The following MOSMO variants were observed in gnomAD, a reference collection of about 807,000 sequenced individuals.
MOSMO encodes the protein modulator of smoothened, also known as modulator of smoothened protein.
MOSMO carries 5 observed loss-of-function variants against 18.4 expected under a neutral mutation model. The ratio of observed to expected loss-of-function variants is 0.27; its 90% CI spans 0.14 to 0.57. The LOEUF (loss-of-function observed/expected upper bound fraction) is 0.57. Among genes scored for constraint, MOSMO ranks in the 20% least tolerant of loss-of-function variants. MOSMO has a pLI of 0.92. For missense variants in MOSMO, 138 were observed against 211.8 expected (o/e 0.65, Z 2.16); for synonymous variants, 82 against 82.3 (o/e 1.00, Z 0.02).
At chr16:22,063,278 T>C (rs996662716) in intron 1 of MOSMO, among the ~76,000 whole-genome samples, 3 of 152,234 alleles carry the variant, frequency 2.0e-5, no homozygotes, top group African/African-American at 7.2e-5. Context: ...AGAGAATTAC[T>C]GTACTCATGT....
At chr16:22,036,306 TGTGG>T (rs1900108442) in intron 1 of MOSMO, among the ~76,000 whole-genome samples, 1 of 152,024 alleles carries the variant, frequency 6.6e-6, no homozygotes. Context: ...TTTGTATTTT[TGTGG>T]AGACAGGGTC....
intron 1 of MOSMO, among the ~76,000 whole-genome samples, chr16:22,044,725 G>A (rs1900274747): frequency 6.6e-6 from 1 of 152,090 alleles, no homozygotes; most frequent in South Asian, 2.1e-4. Context: ...CTTGCCCAAG[G>A]TTACAGAGCT....
At chr16:22,068,287 G>A (rs183900465) in intron 1 of MOSMO, among the ~76,000 whole-genome samples, 137 of 152,240 alleles carry the variant, frequency 9.0e-4, no homozygotes, top group African/African-American at 2.8e-3. Context: ...TAAAGTTTCC[G>A]TATGCTACTG....
chr16:22,044,199 A>T (rs1193862791), intron 1 of MOSMO, among the ~76,000 whole-genome samples: 1 of 152,138 alleles, frequency 6.6e-6, no homozygotes, highest in East Asian at 1.9e-4. Context: ...GAGCCAAACC[A>T]CACCATATAT....
chr16:22,090,709 G>A (rs1246969403), downstream of MOSMO, among the ~76,000 whole-genome samples: 1 of 152,180 alleles, frequency 6.6e-6, no homozygotes, highest in Non-Finnish European at 1.5e-5. Flanking sequence ...CCATTTCCAA[G>A]AGCCTAAGGT....
At chr16:22,038,440 A>G (rs1362363444) in intron 1 of MOSMO, among the ~76,000 whole-genome samples, 1 of 152,228 alleles carries the variant, frequency 6.6e-6, no homozygotes, top group East Asian at 1.9e-4. Flanking sequence ...TGATAGATCA[A>G]GGACCCTAAT....
intron 1 of MOSMO, among the ~76,000 whole-genome samples, chr16:22,045,021 CAA>C (rs747580729): frequency 7.5e-6 from 1 of 132,770 alleles, no homozygotes; most frequent in Non-Finnish European, 1.6e-5. Flanking sequence ...ACAAAAAATA[CAA>C]AAAAAAAAAA....
chr16:22,018,141 A>G (rs1899678515), intron 1 of MOSMO, among the ~76,000 whole-genome samples: 1 of 152,128 alleles, frequency 6.6e-6, no homozygotes, highest in Non-Finnish European at 1.5e-5. Context: ...TTGCCGTTGT[A>G]TATATTGAGC....
chr16:22,014,737 T>C (rs1597994238), intron 1 of MOSMO, among the ~76,000 whole-genome samples: 1 of 152,348 alleles, frequency 6.6e-6, no homozygotes, highest in East Asian at 1.9e-4. Context: ...AAGAACTCTG[T>C]AACATCAGTT....
chr16:22,024,944 GT>G (rs1327495412), intron 1 of MOSMO, among the ~76,000 whole-genome samples: 1 of 152,014 alleles, frequency 6.6e-6, no homozygotes, highest in Non-Finnish European at 1.5e-5. Flanking sequence ...GAGCCCAGGA[GT>G]TTGAGACCAA....
chr16:22,015,654 G>C (rs1428114734), intron 1 of MOSMO, among the ~76,000 whole-genome samples: 5 of 152,140 alleles, frequency 3.3e-5, no homozygotes, highest in Admixed American at 6.5e-5. Context: ...TAAAGCTTGA[G>C]ATCATTTATG....
chr16:22,056,335 C>T (rs1900532969), intron 1 of MOSMO, among the ~76,000 whole-genome samples: 1 of 145,340 alleles, frequency 6.9e-6, no homozygotes, highest in Admixed American at 6.8e-5. Context: ...TTTCTCTTGT[C>T]GCTTCCTTTT....
chr16:22,022,867 C>T (rs1166160543), intron 1 of MOSMO, among the ~76,000 whole-genome samples: 1 of 152,118 alleles, frequency 6.6e-6, no homozygotes, highest in Admixed American at 6.5e-5. Context: ...CTCAGATTTC[C>T]AGCCTCCAAA....
At chr16:22,048,070 T>C (rs1302389356) in intron 1 of MOSMO, among the ~76,000 whole-genome samples, 1 of 152,228 alleles carries the variant, frequency 6.6e-6, no homozygotes, top group Non-Finnish European at 1.5e-5. Context: ...CTGCAAGGTA[T>C]CTTCAAGGGA....
At chr16:22,078,526 A>T (rs1901017230) in intron 2 of MOSMO, among the ~76,000 whole-genome samples, 1 of 152,212 alleles carries the variant, frequency 6.6e-6, no homozygotes, top group South Asian at 2.1e-4. Flanking sequence ...TTACTCCATT[A>T]TAAAGGATAG....
intron 1 of MOSMO, among the ~76,000 whole-genome samples, chr16:22,053,844 A>C (rs997535073): frequency 1.3e-5 from 2 of 152,136 alleles, no homozygotes; most frequent in African/African-American, 4.8e-5. Context: ...AAAGAAACGG[A>C]GTAGTTGGAG....
intron 1 of MOSMO, among the ~76,000 whole-genome samples, chr16:22,061,757 T>G (rs886731522): frequency 1.3e-4 from 20 of 152,212 alleles, no homozygotes; most frequent in African/African-American, 4.8e-4. Context: ...GTATGGTTTT[T>G]CTAGACCACC....
At chr16:22,025,113 A>T (rs1323993407) in intron 1 of MOSMO, among the ~76,000 whole-genome samples, 1 of 151,668 alleles carries the variant, frequency 6.6e-6, no homozygotes, top group Non-Finnish European at 1.5e-5. Context: ...TGATTGTGCC[A>T]CTGTACTCCA....
chr16:22,067,955 A>C (rs889276150), intron 1 of MOSMO, among the ~76,000 whole-genome samples: 7 of 152,172 alleles, frequency 4.6e-5, no homozygotes, highest in African/African-American at 1.7e-4. Flanking sequence ...TCAAAACTGA[A>C]GGAGAAATGT....
Sources: gnomAD v4.1 joint callset for allele counts (sites outside exome capture counted in the v4.1 genomes callset) on GRCh38, gnomAD v4.1.1 for gene constraint, MANE v1.5 for transcripts, NCBI Gene and HGNC (gene_info 2026-07-23, HGNC 2026-07-21) for gene names.